CAMKK2: variants seen among roughly 807,000 people sequenced by gnomAD.
CAMKK2 encodes the protein calcium/calmodulin-dependent protein kinase kinase 2.
Under a neutral mutation model 67.2 loss-of-function variants are expected in CAMKK2, and 30 were observed. The ratio of observed to expected loss-of-function variants is 0.45; its 90% confidence interval spans 0.33 to 0.61. CAMKK2 has a LOEUF of 0.61. Ranked by LOEUF, CAMKK2 falls within the 20% of genes least tolerant of loss-of-function variation. The pLI is 0.02. For missense variants in CAMKK2, 643 were observed against 802.0 expected, an observed-to-expected ratio of 0.80 and a Z score of 2.39; for synonymous variants, 322 against 326.2, an observed-to-expected ratio of 0.99 and a Z score of 0.14.
intron 1 of CAMKK2, among the ~76,000 whole-genome samples, chr12:121,282,097 G>A (rs532039142): frequency 5.3e-5 from 8 of 152,276 alleles, no homozygotes; most frequent in African/African-American, 1.9e-4. Context: ...CGTCTATTAG[G>A]CTGAGACCTA....
At chr12:121,289,250 T>C (rs1899461630) in intron 1 of CAMKK2, among the ~76,000 whole-genome samples, 1 of 151,244 alleles carries the variant, frequency 6.6e-6, no homozygotes, top group Admixed American at 6.6e-5. Flanking sequence ...TGTTTCATAA[T>C]TGAAAAAAAA....
In CAMKK2 at chr12:121,248,802, G is replaced by A. The variant is rs11065506; in HGVS notation, c.1324-68C>T. On this transcript the variant is annotated intron_variant, in intron 13 of 16. Transcript: ENST00000404169. ...CTACCGGGGGGCCCTGCCAGCGAGC[G>A]GAGCCACAAGGGCATGCAGGACGGA... The A allele has an allele frequency of 3.1e-3, 4,951 of 1,582,014 alleles. 150 individuals are homozygous for A. The African/African-American group carries it at 0.055, about 17-fold the overall frequency.
Position 121,285,995 on chromosome 12 carries a change from G to A in CAMKK2, c.-60+10643C>T, listed in dbSNP as rs1287491527. 6.6e-6 allele frequency among the ~76,000 whole-genome samples: 1 copy of A among 152,188 alleles called. No individual in the cohort carries two copies. The highest frequency in any genetic ancestry group is 2.4e-5 in the African/African-American group (1 of 41,452). On this transcript the variant is annotated intron_variant, in intron 1 of 16. Coordinates refer to ENST00000404169, the MANE Select transcript of CAMKK2 (RefSeq NM_001270485.2). The surrounding 1 kb of genome is among the most constrained non-coding windows in gnomAD (Gnocchi z 4.1). The stretch of plus-strand genomic sequence containing the variant: ...ATGAAGTCTAAGAAGAGAGAAGAGA[G>A]GTAATGGATGGAAAAGAGCTGAGGT...
rs749863437 is a variant in CAMKK2, at chr12:121,253,342, G to T, written c.1038C>A (p.Asn346Lys). 2.5e-6 allele frequency: 4 copies of T among 1,614,234 alleles called. No individual in the cohort carries two copies. In the South Asian group the frequency reaches 4.4e-5, roughly 18 times the overall value. The change falls in exon 10 of 17, where the codon AAC (asparagine) becomes AAA (lysine). Residue 346 changes from asparagine (N) to lysine (K), a missense_variant. Asn to Lys is a moderately conservative substitution (Grantham distance 94). Coordinates refer to ENST00000404169, the MANE Select transcript of CAMKK2 (RefSeq NM_001270485.2). This position sits in a 1 kb window ranked among gnomAD's most constrained non-coding sequence, Gnocchi z 5.0. ...CCATGAAGGCGGGCGTGCCCACGGT[G>T]TTGGAGAGGAGCGCGTCACTGCCCT... ...EFKGSDALLSNTVGTPAFMAP... is the reference protein window; with the variant it reads ...EFKGSDALLSKTVGTPAFMAP...
chr12:121,276,159 CA>C (rs373596430), intron 1 of CAMKK2, among the ~76,000 whole-genome samples: 9,800 of 120,618 alleles, frequency 0.081, 411 homozygotes, highest in Middle Eastern at 0.21. Context: ...GACTCCATCT[CA>C]AAAAAAAAAA....
intron 11 of CAMKK2, among the ~76,000 whole-genome samples, chr12:121,250,695 C>A (rs532225771): frequency 6.6e-6 from 1 of 152,156 alleles, no homozygotes; most frequent in African/African-American, 2.4e-5. Context: ...ACCCCTCCCA[C>A]GGGAACGTTA....
At chr12:121,282,325 C>G (rs577023537) in intron 1 of CAMKK2, among the ~76,000 whole-genome samples, 1 of 152,088 alleles carries the variant, frequency 6.6e-6, no homozygotes, top group South Asian at 2.1e-4. Context: ...CAGCCCAGGG[C>G]AATGCTACAG....
At chr12:121,297,532 CACTT>C (rs1339456586), upstream of CAMKK2, 4 of 491,504 alleles carry the variant, frequency 8.1e-6, no homozygotes, top group South Asian at 5.8e-5. Context: ...CCCTTTTTGG[CACTT>C]ACTTTGCTGG....
At position 121,240,591 on chromosome 12, in the gene CAMKK2, G is replaced by C. The variant is rs200854014; in HGVS notation, c.*108C>G. ...CAAATAACCAGAGATGACGATCGAG[G>C]CTCTACACACGTGCTGGGTTTCCGT... On this transcript the variant is annotated 3_prime_UTR_variant, in exon 17 of 17. Transcript: ENST00000404169. The surrounding 1 kb of genome is among the most constrained non-coding windows in gnomAD (Gnocchi z 4.4). The C allele has an allele frequency of 2.6e-6, 4 of 1,534,198 alleles. No homozygotes were observed. The highest frequency in any genetic ancestry group is 3.5e-6 in the Non-Finnish European group (4 of 1,146,558).
intron 2 of CAMKK2, among the ~76,000 whole-genome samples, chr12:121,272,797 T>C (rs1896026868): frequency 6.6e-6 from 1 of 151,616 alleles, no homozygotes. Context: ...AGCTTGAACC[T>C]GGGAGGTGGA....
chr12:121,243,986 A>G, intron 16 of CAMKK2: 1 of 1,511,108 alleles, frequency 6.6e-7, no homozygotes, highest in Non-Finnish European at 8.9e-7. Flanking sequence ...ACAAAGCCTC[A>G]TCTGTCCTGG....
intron 14 of CAMKK2, among the ~76,000 whole-genome samples, chr12:121,246,803 A>G (rs1593277440): frequency 6.6e-6 from 1 of 151,852 alleles, no homozygotes; most frequent in East Asian, 1.9e-4. Flanking sequence ...CTTTCTTATA[A>G]GGCCAGGAGC....
rs531305656 is a variant in CAMKK2 at position 121,277,990 on chromosome 12, G to A, written c.-59-3405C>T. ...TAAAATAAATAAATAAATAAAAAGT[G>A]TTTTAAAGGAAAGAAAATACCTGTA... is the stretch of plus-strand genomic sequence containing the variant. On this transcript the variant is annotated intron_variant, in intron 1 of 16. Transcript: ENST00000404169. Among the ~76,000 whole-genome samples the A allele has an allele frequency of 5.3e-5, 8 of 152,132 alleles. No individual in the cohort carries two copies. In the South Asian group the frequency reaches 1.0e-3, roughly 20 times the overall value.
chr12:121,257,264 T>G (rs1164345377), intron 7 of CAMKK2, among the ~76,000 whole-genome samples: 3 of 151,582 alleles, frequency 2.0e-5, no homozygotes, highest in Non-Finnish European at 4.4e-5. Flanking sequence ...TTTTTTTTTT[T>G]GAAATGGAGT....
rs563565333 is a variant in CAMKK2, at chr12:121,279,541, A to G, written c.-59-4956T>C. Among the ~76,000 whole-genome samples, 6 of 152,376 alleles carry G rather than the reference A, an allele frequency of 3.9e-5. No homozygotes were observed. The East Asian group carries it at 1.2e-3, about 29-fold the overall frequency. On this transcript the variant is annotated intron_variant, in intron 1 of 16. Coordinates refer to ENST00000404169, the MANE Select transcript of CAMKK2 (RefSeq NM_001270485.2). ...ACTGAGCTCTCATCAGGCACCCAGCACGGAGATAACCGCCTGGCCATGTAA... is the reference window on the plus strand; with the variant it reads ...ACTGAGCTCTCATCAGGCACCCAGCGCGGAGATAACCGCCTGGCCATGTAA...
rs966324914 is a variant in CAMKK2 at position 121,274,168 on chromosome 12, C to T, written c.359G>A (p.Arg120His). The change falls in exon 2 of 17, where the codon CGC (arginine) becomes CAC (histidine). Residue 120 changes from arginine (R) to histidine (H), a missense_variant. Arg to His is a conservative substitution (Grantham distance 29). Transcript: ENST00000404169. The stretch of plus-strand genomic sequence containing the variant: ...GTAGGGCAGGGACGGGCAGATGCAG[C>T]GTCCGTTCATGTCCAGGCTGCCACC... ...AAGGSLDMNG[R>H]CICPSLPYSP... 1.3e-6 allele frequency: 2 copies of T among 1,597,666 alleles called. No individual in the cohort carries two copies. Among genetic ancestry groups the T allele is most frequent in the Non-Finnish European group, 1.7e-6 (2 of 1,170,436 alleles).
At chr12:121,251,048 T>A (rs947727545) in intron 11 of CAMKK2, among the ~76,000 whole-genome samples, 1 of 152,186 alleles carries the variant, frequency 6.6e-6, no homozygotes, top group Non-Finnish European at 1.5e-5. Flanking sequence ...AGCTTGGTCA[T>A]GTGTGCTGGA....
In CAMKK2 at chr12:121,268,648, G is replaced by T; in HGVS notation, c.615C>A (p.Ala205=). 1.2e-6 allele frequency: 2 copies of T among 1,614,058 alleles called. No individual in the cohort carries two copies. Among genetic ancestry groups the T allele is most frequent in the Non-Finnish European group, 1.7e-6 (2 of 1,179,960 alleles). ...VLSKKKLIRQ[A]GFPRRPPPRG... ...GCCCGCCAAACTCACGTGGAAAGCCGGCCTGCCGGATCAGCTTCTTTTTGG... is the reference window on the plus strand; with the variant it reads ...GCCCGCCAAACTCACGTGGAAAGCCTGCCTGCCGGATCAGCTTCTTTTTGG... Residue 205 remains alanine, a synonymous_variant, in exon 5 of 17, where the codon GCC becomes GCA. Transcript: ENST00000404169.
intron 3 of CAMKK2, among the ~76,000 whole-genome samples, chr12:121,270,682 T>C (rs763197647): frequency 2.6e-5 from 4 of 152,180 alleles, no homozygotes; most frequent in Non-Finnish European, 5.9e-5. Context: ...TGGAATTTCG[T>C]TGGAAGCTTT....
Sources: allele counts gnomAD v4.1 joint callset (sites outside exome capture counted in the v4.1 genomes callset), GRCh38; gene constraint gnomAD v4.1.1; non-coding constraint Gnocchi (gnomAD v3.1); transcripts MANE v1.5; gene names NCBI Gene and HGNC (gene_info 2026-07-23, HGNC 2026-07-21).